PDE8B: variants seen among roughly 807,000 people sequenced by gnomAD.
PDE8B encodes high affinity cAMP-specific and IBMX-insensitive 3',5'-cyclic phosphodiesterase 8B.
A neutral mutation model predicts 101.3 loss-of-function variants in PDE8B; 26 were observed. That is an observed-to-expected ratio of 0.26 (90% CI 0.19 to 0.36). The LOEUF (loss-of-function observed/expected upper bound fraction) is 0.36, where lower values mean the gene tolerates loss of function less well. Among genes scored for constraint, PDE8B ranks in the 10% least tolerant of loss-of-function variants. The pLI is 1.00. For synonymous variants in PDE8B, 424 were observed against 429.3 expected (o/e 0.99, Z 0.15); for missense variants, 810 against 1,163.1 (o/e 0.70, Z 4.42).
rs562435179 is a variant in PDE8B, at chr5:77,331,404, C to T, written c.653C>T (p.Ser218Leu). The T allele has an allele frequency of 2.8e-5, 45 of 1,613,584 alleles. No individual in the cohort carries two copies. Among genetic ancestry groups the T allele is most frequent in the Non-Finnish European group, 3.6e-5 (42 of 1,179,592 alleles). The change falls in exon 5 of 22, where the codon TCG becomes TTG. Residue 218 changes from serine (S) to leucine (L), a missense_variant and splice_region_variant. Ser to Leu is a moderately radical substitution (Grantham distance 145). Coordinates refer to ENST00000264917, the MANE Select transcript of PDE8B (RefSeq NM_003719.5). ...CCACATTTTCTGCTTTGCTGCAGAT[C>T]GGATGACCATGAAGAGGCGTCAGTC... ...TVILAVVSRV[S>L]DDHEEASVLP... is the part of the protein sequence containing the mutation.
At chr5:77,242,823 C>T (rs1417635720) in intron 1 of PDE8B, among the ~76,000 whole-genome samples, 2 of 152,106 alleles carry the variant, frequency 1.3e-5, no homozygotes, top group African/African-American at 2.4e-5. Flanking sequence ...CCCACGACCT[C>T]GCCTGGCTAA....
chr5:77,155,908 A>C, the PDE8B span, among the ~76,000 whole-genome samples: 1 of 152,248 alleles, frequency 6.6e-6, no homozygotes, highest in Non-Finnish European at 1.5e-5. Context: ...TAGATATATT[A>C]TCAAGGCCAG....
chr5:77,290,837 A>T (rs1053733972), intron 1 of PDE8B: 1 of 1,529,298 alleles, frequency 6.5e-7, no homozygotes, highest in Non-Finnish European at 9.1e-7. Flanking sequence ...GCCTCTGGAA[A>T]GGAGCTCCAA....
chr5:77,349,911 A>G (rs1292305619), intron 8 of PDE8B, among the ~76,000 whole-genome samples: 1 of 152,162 alleles, frequency 6.6e-6, no homozygotes, highest in Non-Finnish European at 1.5e-5. Flanking sequence ...GACTAGACAT[A>G]TTTAATACCA....
chr5:77,416,869 A>G (rs1180182106), intron 17 of PDE8B, among the ~76,000 whole-genome samples: 1 of 152,074 alleles, frequency 6.6e-6, no homozygotes, highest in Non-Finnish European at 1.5e-5. Context: ...CACCCCCAAC[A>G]TCTTGGGGAC....
the PDE8B span, among the ~76,000 whole-genome samples, chr5:77,117,291 TTA>T: frequency 4.0e-3 from 602 of 152,280 alleles, 6 homozygotes; most frequent in African/African-American, 0.014. Context: ...GATGTTTCTG[TTA>T]TATATATGCA....
At chr5:77,344,469 T>C (rs1431104430) in intron 6 of PDE8B, among the ~76,000 whole-genome samples, 5 of 152,236 alleles carry the variant, frequency 3.3e-5, no homozygotes, top group Non-Finnish European at 5.9e-5. Context: ...TTCTGGAGGC[T>C]GAGAAGTCCA....
At chr5:77,165,684 A>G in the PDE8B span, among the ~76,000 whole-genome samples, 6 of 152,234 alleles carry the variant, frequency 3.9e-5, no homozygotes, top group African/African-American at 1.4e-4. Flanking sequence ...GAAGGATTAT[A>G]GGAAGGGAGA....
At chr5:77,213,507 G>C (rs1748951046) in intron 1 of PDE8B, among the ~76,000 whole-genome samples, 1 of 152,134 alleles carries the variant, frequency 6.6e-6, no homozygotes, top group South Asian at 2.1e-4. Context: ...CACATGTTCT[G>C]TGCCCTTTTG....
chr5:77,181,643 G>A, the PDE8B span, among the ~76,000 whole-genome samples: 1 of 152,184 alleles, frequency 6.6e-6, no homozygotes, highest in Admixed American at 6.5e-5. Flanking sequence ...TGAGTTACTA[G>A]GACTGTAAGA....
intron 1 of PDE8B, among the ~76,000 whole-genome samples, chr5:77,267,452 A>AG (rs1273012637): frequency 1.9e-4 from 29 of 149,440 alleles, no homozygotes; most frequent in Non-Finnish European, 3.0e-4. Context: ...AAAAAAAAAA[A>AG]AAAGGGTGGA....
intron 21 of PDE8B, chr5:77,426,215 T>C: frequency 6.6e-6 from 4 of 602,458 alleles, no homozygotes; most frequent in African/African-American, 3.7e-5. Context: ...AAAATGTATT[T>C]AGTTTACTCT....
the PDE8B span, among the ~76,000 whole-genome samples, chr5:77,161,393 A>G: frequency 6.6e-6 from 1 of 152,058 alleles, no homozygotes; most frequent in Admixed American, 6.5e-5. Context: ...CCATTGTATG[A>G]TTATCATTTT....
chr5:77,194,980 T>G, the PDE8B span, among the ~76,000 whole-genome samples: 1 of 152,262 alleles, frequency 6.6e-6, no homozygotes, highest in African/African-American at 2.4e-5. Context: ...CTGAGTCATA[T>G]GGTAACTCTC....
rs558033812 is a variant in PDE8B at position 77,305,442 on chromosome 5, G to A, written c.340-6552G>A. Among the ~76,000 whole-genome samples, 7 of 152,248 alleles carry A rather than the reference G, an allele frequency of 4.6e-5. No individual in the cohort carries two copies. The South Asian group carries it at 6.2e-4, about 14-fold the overall frequency. ...GGCTGGAGGCTGGAGTGAGGGCAGC[G>A]CCAGCCAGCAGGGCCCACAACTGAG... On this transcript the variant is annotated intron_variant, in intron 1 of 21. Coordinates refer to ENST00000264917, the MANE Select transcript of PDE8B (RefSeq NM_003719.5).
At chr5:77,096,893 C>T in the PDE8B span, among the ~76,000 whole-genome samples, 2 of 152,162 alleles carry the variant, frequency 1.3e-5, no homozygotes, top group East Asian at 1.9e-4. Context: ...CACCTTATTT[C>T]CAGGTAAGGT....
At chr5:77,378,351 C>T (rs549047416) in intron 10 of PDE8B, among the ~76,000 whole-genome samples, 11 of 150,038 alleles carry the variant, frequency 7.3e-5, no homozygotes, top group South Asian at 4.2e-4. Flanking sequence ...CCCAGCTACT[C>T]GGGAGGCTGA....
rs1402674290 is a variant in PDE8B, at chr5:77,211,180, C to G, written c.255C>G (p.Pro85=). The change falls in exon 1 of 22, where the codon CCC becomes CCG. Residue 85 remains proline (P), a synonymous_variant. Transcript: ENST00000264917. The surrounding 1 kb of genome is among the most constrained non-coding windows in gnomAD (Gnocchi z 4.1). ...GSGSSAGSAA[P]AATTSRGRRR... ...GTAGCAGCGCGGGTTCCGCAGCCCC[C>G]GCCGCGACCACCAGCAGGGGCCGGA... The G allele has an allele frequency of 1.3e-6, 2 of 1,542,154 alleles. No individual in the cohort carries two copies. The highest frequency in any genetic ancestry group is 8.7e-7 in the Non-Finnish European group (1 of 1,151,280).
intron 10 of PDE8B, among the ~76,000 whole-genome samples, chr5:77,377,630 A>G (rs1011944649): frequency 6.6e-6 from 1 of 152,256 alleles, no homozygotes; most frequent in African/African-American, 2.4e-5. Context: ...TTAAAACAGT[A>G]AAACCTTGTT....
Sources: allele counts gnomAD v4.1 joint callset (sites outside exome capture counted in the v4.1 genomes callset), GRCh38; gene constraint gnomAD v4.1.1; non-coding constraint Gnocchi (gnomAD v3.1); transcripts MANE v1.5; gene names NCBI Gene and HGNC (gene_info 2026-07-23, HGNC 2026-07-21).